CCDC150: variants seen among roughly 807,000 people sequenced by gnomAD.
CCDC150 encodes coiled-coil domain containing 150, also known as coiled-coil domain-containing protein 150.
CCDC150 carries 151 observed loss-of-function variants against 156.5 expected under a neutral mutation model. The ratio of observed to expected loss-of-function variants is 0.97; its 90% CI spans 0.85 to 1.10. The LOEUF is 1.10. Ranked by LOEUF, CCDC150 falls within the 50% of genes least tolerant of loss-of-function variation. The pLI, the probability that CCDC150 is intolerant of heterozygous loss-of-function variation, is 0.00. For missense variants in CCDC150, 1,312 were observed against 1,268.1 expected (o/e 1.03, Z -0.53); for synonymous variants, 452 against 429.4 (o/e 1.05, Z -0.65).
chr2:196,717,078 A>G (rs1377657535), intron 17 of CCDC150, among the ~76,000 whole-genome samples: 4 of 151,136 alleles, frequency 2.6e-5, no homozygotes, highest in Non-Finnish European at 5.9e-5. Flanking sequence ...TTTAGTAGAG[A>G]CAGGGTTTCA....
At chr2:196,681,337 A>G (rs904565431) in intron 13 of CCDC150, among the ~76,000 whole-genome samples, 15 of 152,176 alleles carry the variant, frequency 9.9e-5, no homozygotes, top group Admixed American at 3.9e-4. Flanking sequence ...ATGTGCACGC[A>G]CACACACATA....
At chr2:196,730,999 C>A in intron 26 of CCDC150, 54 bp downstream of exon 26, 1 of 1,299,428 alleles carries the variant, frequency 7.7e-7, no homozygotes, top group Non-Finnish European at 1.1e-6. Flanking sequence ...ACACAGCAAC[C>A]CTGAAGCAAC....
intron 9 of CCDC150, 89 bp from the exon 10 acceptor site, chr2:196,674,152 A>T (rs550379145): frequency 3.1e-4 from 243 of 772,072 alleles, no homozygotes; most frequent in Non-Finnish European, 1.3e-4. Flanking sequence ...ATACAGTGAG[A>T]TACTATGCAA....
chr2:196,653,764 C>T (rs185443551), intron 2 of CCDC150, among the ~76,000 whole-genome samples: 1 of 152,336 alleles, frequency 6.6e-6, no homozygotes, highest in East Asian at 1.9e-4. Flanking sequence ...ACCTTTTTAG[C>T]AATGCCTCAC....
intron 5 of CCDC150, 105 bp from the exon 6 acceptor site, chr2:196,665,462 G>C (rs1693785426): frequency 1.7e-6 from 1 of 583,814 alleles, no homozygotes; most frequent in Admixed American, 3.3e-5. Context: ...AATTAAGACT[G>C]TTTGGGGGTG....
intron 13 of CCDC150, among the ~76,000 whole-genome samples, chr2:196,690,664 A>G (rs1695405707): frequency 1.3e-5 from 2 of 151,684 alleles, no homozygotes; most frequent in South Asian, 4.2e-4. Flanking sequence ...GGATAGTTTG[A>G]CTTCCTCTTT....
At chr2:196,653,292 T>C (rs929244562) in intron 2 of CCDC150, among the ~76,000 whole-genome samples, 1 of 152,240 alleles carries the variant, frequency 6.6e-6, no homozygotes, top group Non-Finnish European at 1.5e-5. Context: ...CTTTTCAATA[T>C]ACGTTTCAAC....
chr2:196,729,914 T>C, intron 24 of CCDC150, 43 bp from the exon 25 acceptor site: 2 of 1,607,064 alleles, frequency 1.2e-6, no homozygotes, highest in Non-Finnish European at 8.5e-7. Flanking sequence ...ATCTCAAACT[T>C]GGAGGGTGTT....
At chr2:196,662,430 T>C (rs1292480472) in intron 5 of CCDC150, among the ~76,000 whole-genome samples, 1 of 152,178 alleles carries the variant, frequency 6.6e-6, no homozygotes, top group Non-Finnish European at 1.5e-5. Context: ...CTGTTCCACC[T>C]CAAATCATCA....
chr2:196,674,762 G>A (rs886844532), intron 10 of CCDC150, among the ~76,000 whole-genome samples: 1 of 152,002 alleles, frequency 6.6e-6, no homozygotes, highest in Non-Finnish European at 1.5e-5. Flanking sequence ...ACTTTCATCA[G>A]GCAGCTTGAT....
chr2:196,655,650 G>A (rs78262731), intron 2 of CCDC150, among the ~76,000 whole-genome samples: 4,004 of 152,224 alleles, frequency 0.026, 185 homozygotes, highest in African/African-American at 0.09. Context: ...CTTCCAAGAG[G>A]TGTAGTCCCT....
chr2:196,691,088 C>A (rs754695981), intron 13 of CCDC150, among the ~76,000 whole-genome samples: 1 of 151,652 alleles, frequency 6.6e-6, no homozygotes, highest in Non-Finnish European at 1.5e-5. Context: ...TTTCGATATG[C>A]TGCTGGATTC....
intron 15 of CCDC150, among the ~76,000 whole-genome samples, chr2:196,703,412 C>T (rs1460629515): frequency 6.6e-6 from 1 of 152,128 alleles, no homozygotes; most frequent in African/African-American, 2.4e-5. Context: ...GGTAGTGATG[C>T]ATTTAAATAT....
At chr2:196,660,947 G>A (rs1389807782) in intron 5 of CCDC150, among the ~76,000 whole-genome samples, 1 of 152,078 alleles carries the variant, frequency 6.6e-6, no homozygotes, top group African/African-American at 2.4e-5. Flanking sequence ...TTAGGTCTTT[G>A]ATCTATTTTG....
In CCDC150 at chr2:196,712,214, C is replaced by G. The variant is rs774671380; in HGVS notation, c.1765C>G (p.Arg589Gly). Residue 589 changes from arginine (R) to glycine (G), a missense_variant, in exon 16 of 28, where the codon CGC becomes GGC. By Grantham distance (125) the Arg-to-Gly change is moderately radical. Transcript: ENST00000389175. ...TDTSLQNDHL[R>G]KMNKYLQTKY... ...CACCAGCTTACAGAATGATCATCTA[C>G]GCAAGATGAATAAGTATTTACAGAC... The G allele has an allele frequency of 1.9e-6, 3 of 1,574,330 alleles. No homozygotes were observed. Among genetic ancestry groups the G allele is most frequent in the African/African-American group, 1.3e-5 (1 of 74,382 alleles).
At chr2:196,662,765 G>GAA (rs974682749) in intron 5 of CCDC150, among the ~76,000 whole-genome samples, 3 of 149,692 alleles carry the variant, frequency 2.0e-5, no homozygotes, top group Middle Eastern at 3.2e-3. Flanking sequence ...CCCATTTCTG[G>GAA]AAAAAAAAAG....
intron 10 of CCDC150, among the ~76,000 whole-genome samples, chr2:196,675,672 G>A (rs559487039): frequency 6.6e-6 from 1 of 152,102 alleles, no homozygotes; most frequent in Non-Finnish European, 1.5e-5. Context: ...AGTCTTAAAA[G>A]AATTCACAGC....
intron 20 of CCDC150, 67 bp from the exon 21 acceptor site, chr2:196,721,455 C>A: frequency 8.2e-7 from 1 of 1,220,290 alleles, no homozygotes; most frequent in Non-Finnish European, 1.1e-6. Context: ...GGAGTGATTA[C>A]ACAGTGTTAT....
At chr2:196,713,387 A>G (rs747432652) in intron 17 of CCDC150, 12 of 1,513,810 alleles carry the variant, frequency 7.9e-6, no homozygotes, top group Non-Finnish European at 8.8e-7. Flanking sequence ...ATCCCCAGAG[A>G]GGACTGCATC....
Sources: gnomAD v4.1 joint callset for allele counts (sites outside exome capture counted in the v4.1 genomes callset) on GRCh38, gnomAD v4.1.1 for gene constraint, MANE v1.5 for transcripts, NCBI Gene and HGNC (gene_info 2026-07-23, HGNC 2026-07-21) for gene names.